Variants in GRM8 observed in about 807,000 individuals in gnomAD.
GRM8 encodes the protein glutamate metabotropic receptor 8.
A neutral mutation model predicts 87.2 loss-of-function variants in GRM8; 47 were observed. That is an observed-to-expected ratio of 0.54 (90% CI 0.43 to 0.69). The LOEUF (loss-of-function observed/expected upper bound fraction) is 0.69, where lower values mean the gene tolerates loss of function less well. Ranked by LOEUF, GRM8 falls within the 30% of genes least tolerant of loss-of-function variation. GRM8 has a pLI of 0.00. For missense variants in GRM8, 1,019 were observed against 1,139.2 expected, an observed-to-expected ratio of 0.89 and a Z score of 1.52; for synonymous variants, 396 against 404.5, an observed-to-expected ratio of 0.98 and a Z score of 0.25.
At position 126,533,419 on chromosome 7, in the gene GRM8, G is replaced by A. The variant is rs1485670684; in HGVS notation, c.1963C>T (p.Leu655=). The change falls in exon 9 of 11, where the codon CTA becomes TTA. Residue 655 remains leucine (L), a synonymous_variant. Transcript: ENST00000339582. The part of the protein sequence containing the change: ...TIICSFRRVF[L]GLGMCFSYAA... ...TAGCTGAAACACATGCCAAGTCCTA[G>A]GAAGACCCGTCGGAAGGAGCATATG... 12 of 1,613,778 alleles carry A rather than the reference G, an allele frequency of 7.4e-6. No individual in the cohort carries two copies. Among genetic ancestry groups the A allele is most frequent in the Non-Finnish European group, 9.3e-6 (11 of 1,179,916 alleles).
At chr7:126,984,587 C>T (rs1404526760) in intron 3 of GRM8, among the ~76,000 whole-genome samples, 3 of 152,212 alleles carry the variant, frequency 2.0e-5, no homozygotes, top group Non-Finnish European at 4.4e-5. Context: ...GGCTTCCTTG[C>T]TCCTCAGCTT....
intron 3 of GRM8, among the ~76,000 whole-genome samples, chr7:127,057,151 AAG>A (rs1563460607): frequency 6.6e-6 from 1 of 151,666 alleles, no homozygotes; most frequent in African/African-American, 2.4e-5. Context: ...ACAGAAGAGA[AAG>A]AGTTACCAAA....
chr7:127,098,434 G>GA (rs1225141737), intron 3 of GRM8, among the ~76,000 whole-genome samples: 1 of 152,084 alleles, frequency 6.6e-6, no homozygotes, highest in Non-Finnish European at 1.5e-5. Context: ...TCAGTTACCA[G>GA]AAACTTGCTT....
intron 3 of GRM8, among the ~76,000 whole-genome samples, chr7:126,915,379 T>TCA (rs1368654886): frequency 6.6e-6 from 1 of 152,104 alleles, no homozygotes; most frequent in Non-Finnish European, 1.5e-5. Flanking sequence ...AAAATCAAAA[T>TCA]CAACAGCCCC....
chr7:126,599,908 T>A (rs1310340990), intron 8 of GRM8, among the ~76,000 whole-genome samples: 1 of 152,088 alleles, frequency 6.6e-6, no homozygotes, highest in East Asian at 1.9e-4. Flanking sequence ...CAGCCTGCAC[T>A]AGAGCATTGG....
intron 9 of GRM8, among the ~76,000 whole-genome samples, chr7:126,476,921 G>T (rs1440486758): frequency 6.6e-6 from 1 of 151,922 alleles, no homozygotes; most frequent in Non-Finnish European, 1.5e-5. Flanking sequence ...AGTATCTCAA[G>T]GAGATATCTG....
rs1815251494 is a variant in GRM8, at chr7:126,533,857, G to T, written c.1525C>A (p.His509Asn). 6.2e-7 allele frequency: 1 copy of T among 1,613,684 alleles called. No homozygotes were observed. Among genetic ancestry groups the T allele is most frequent in the African/African-American group, 1.3e-5 (1 of 74,918 alleles). Residue 509 changes from histidine to asparagine, a missense_variant, in exon 9 of 11, where the codon CAT becomes AAT. Physicochemically the swap from His to Asn is moderately conservative, Grantham distance 68. Coordinates refer to ENST00000339582, the MANE Select transcript of GRM8 (RefSeq NM_000845.3). ...VEDMQWAHRE[H>N]THPASVCSLP... ...CTGCAGACAGACGCCGGGTGAGTAT[G>T]TTCTCTATGAGCCCACTGCATGTCT...
intron 2 of GRM8, among the ~76,000 whole-genome samples, chr7:127,146,214 G>A (rs762364615): frequency 6.6e-6 from 1 of 151,934 alleles, no homozygotes; most frequent in African/African-American, 2.4e-5. Context: ...GGTCTCATAG[G>A]GTAGCCAGCC....
intron 8 of GRM8, among the ~76,000 whole-genome samples, chr7:126,541,168 G>T (rs1275191532): frequency 2.0e-5 from 3 of 152,116 alleles, no homozygotes; most frequent in Non-Finnish European, 2.9e-5. Flanking sequence ...CTTACAGAAG[G>T]ATGAGGAAAT....
chr7:127,016,493 A>G (rs980001523), intron 3 of GRM8, among the ~76,000 whole-genome samples: 1 of 152,108 alleles, frequency 6.6e-6, no homozygotes, highest in African/African-American at 2.4e-5. Flanking sequence ...GAATGATATA[A>G]TCGTGTTACT....
intron 9 of GRM8, among the ~76,000 whole-genome samples, chr7:126,478,038 T>C (rs1175083278): frequency 1.3e-5 from 2 of 152,144 alleles, no homozygotes; most frequent in Non-Finnish European, 2.9e-5. Context: ...AGGACACCTG[T>C]CATTGGATTC....
intron 3 of GRM8, among the ~76,000 whole-genome samples, chr7:127,054,608 G>T (rs1461755145): frequency 1.3e-5 from 2 of 152,158 alleles, no homozygotes; most frequent in Non-Finnish European, 2.9e-5. Flanking sequence ...GTAACTCGTT[G>T]AACATTTGTA....
chr7:126,642,144 G>A (rs1218201655), intron 7 of GRM8, among the ~76,000 whole-genome samples: 1 of 152,156 alleles, frequency 6.6e-6, no homozygotes, highest in Non-Finnish European at 1.5e-5. Context: ...TATCTCATTA[G>A]TCTAAAGAAC....
At chr7:126,757,321 T>C (rs937384950) in intron 7 of GRM8, among the ~76,000 whole-genome samples, 4 of 152,064 alleles carry the variant, frequency 2.6e-5, no homozygotes, top group East Asian at 1.9e-4. Flanking sequence ...CAGGAGGATT[T>C]TGAGGTGCCA....
intron 9 of GRM8, among the ~76,000 whole-genome samples, chr7:126,471,767 T>A (rs960911535): frequency 6.6e-6 from 1 of 151,918 alleles, no homozygotes; most frequent in Non-Finnish European, 1.5e-5. Flanking sequence ...ATTGAATCTA[T>A]AAATTACCTT....
At chr7:126,944,431 A>G (rs2131558551) in intron 3 of GRM8, among the ~76,000 whole-genome samples, 1 of 152,216 alleles carries the variant, frequency 6.6e-6, no homozygotes, top group East Asian at 1.9e-4. Flanking sequence ...TAGATACTTG[A>G]CCCATGAGGG....
chr7:126,915,110 G>A (rs1414262939), intron 3 of GRM8, among the ~76,000 whole-genome samples: 2 of 152,110 alleles, frequency 1.3e-5, no homozygotes, highest in Admixed American at 6.5e-5. Flanking sequence ...ACTCACCACC[G>A]ATCTGGAGGT....
intron 2 of GRM8, among the ~76,000 whole-genome samples, chr7:127,146,051 G>A (rs1335133281): frequency 6.6e-6 from 1 of 151,980 alleles, no homozygotes; most frequent in Non-Finnish European, 1.5e-5. Flanking sequence ...CTGGGGCCCT[G>A]AGAGGATACT....
chr7:127,085,939 T>A (rs1823426460), intron 3 of GRM8, among the ~76,000 whole-genome samples: 1 of 152,182 alleles, frequency 6.6e-6, no homozygotes, highest in Non-Finnish European at 1.5e-5. Flanking sequence ...TGGTGTTAGG[T>A]CTTACATTTA....
Sources: gnomAD v4.1 joint callset for allele counts (sites outside exome capture counted in the v4.1 genomes callset) on GRCh38, gnomAD v4.1.1 for gene constraint, MANE v1.5 for transcripts, NCBI Gene and HGNC (gene_info 2026-07-23, HGNC 2026-07-21) for gene names.